KAZN: variants seen among roughly 807,000 people sequenced by gnomAD.
The protein encoded by KAZN is kazrin, periplakin interacting protein.
KAZN carries 40 observed loss-of-function variants against 87.4 expected under a neutral mutation model. The ratio of observed to expected loss-of-function variants is 0.46; its 90% CI spans 0.36 to 0.60. The LOEUF (loss-of-function observed/expected upper bound fraction) is 0.60. Ranked by LOEUF, KAZN falls within the 20% of genes least tolerant of loss-of-function variation. The pLI is 0.00. For synonymous variants in KAZN, 466 were observed against 458.3 expected, an observed-to-expected ratio of 1.02 and a Z score of -0.22; for missense variants, 898 against 1,073.9, an observed-to-expected ratio of 0.84 and a Z score of 2.29.
chr1:14,102,360 A>T (rs1455438799), intron 1 of KAZN, among the ~76,000 whole-genome samples: 1 of 152,080 alleles, frequency 6.6e-6, no homozygotes, highest in Non-Finnish European at 1.5e-5. Flanking sequence ...ACCTGCCCTC[A>T]CGCCCTTTGG....
At chr1:14,520,973 C>T (rs1671556540) in intron 2 of KAZN, among the ~76,000 whole-genome samples, 1 of 152,044 alleles carries the variant, frequency 6.6e-6, no homozygotes, top group Non-Finnish European at 1.5e-5. Flanking sequence ...CATGAGAGGC[C>T]AGAGCAGGGA....
chr1:14,508,218 C>T (rs976970041), intron 2 of KAZN, among the ~76,000 whole-genome samples: 4 of 152,144 alleles, frequency 2.6e-5, no homozygotes, highest in Non-Finnish European at 5.9e-5. Flanking sequence ...TCGTGCAAAG[C>T]CATCAGGCTG....
intron 2 of KAZN, among the ~76,000 whole-genome samples, chr1:14,340,346 T>C (rs1657589103): frequency 1.3e-5 from 2 of 152,238 alleles, no homozygotes; most frequent in South Asian, 2.1e-4. Context: ...GTTTTACTGC[T>C]CTCCAGATCT....
At chr1:14,267,359 C>CAAAAAAAAAAAAAA (rs61641430) in intron 2 of KAZN, among the ~76,000 whole-genome samples, 5 of 64,738 alleles carry the variant, frequency 7.7e-5, no homozygotes, top group African/African-American at 2.2e-4. Context: ...AGCCGATAAG[C>CAAAAAAAAAAAAAA]AAAAAAAAAA....
upstream of KAZN, among the ~76,000 whole-genome samples, chr1:14,596,296 G>A (rs942107575): frequency 3.7e-4 from 45 of 120,734 alleles, no homozygotes; most frequent in African/African-American, 1.5e-3. Flanking sequence ...GTGAGTGCAC[G>A]CACACGTGTG....
chr1:14,671,234 C>T (rs1639898037), intron 1 of KAZN, among the ~76,000 whole-genome samples: 1 of 152,204 alleles, frequency 6.6e-6, no homozygotes, highest in Non-Finnish European at 1.5e-5. Context: ...ATTTAACTTA[C>T]ATGTCTTACT....
At chr1:13,895,091 T>A (rs1638984915) in intron 1 of KAZN, among the ~76,000 whole-genome samples, 1 of 152,224 alleles carries the variant, frequency 6.6e-6, no homozygotes, top group Non-Finnish European at 1.5e-5. Flanking sequence ...TGTGAAAACA[T>A]CCTTCTATGG....
At chr1:14,387,979 A>C (rs535821295) in intron 2 of KAZN, among the ~76,000 whole-genome samples, 3 of 152,318 alleles carry the variant, frequency 2.0e-5, no homozygotes, top group Non-Finnish European at 2.9e-5. Flanking sequence ...CCGTGGGCGT[A>C]GGACCCTCCG....
chr1:13,965,015 C>T (rs180955607), intron 1 of KAZN, among the ~76,000 whole-genome samples: 16 of 152,088 alleles, frequency 1.1e-4, no homozygotes, highest in East Asian at 5.8e-4. Flanking sequence ...GGGGCAGGGA[C>T]GCACCTGGGG....
At chr1:14,214,074 T>C (rs183780289) in intron 2 of KAZN, among the ~76,000 whole-genome samples, 1 of 152,194 alleles carries the variant, frequency 6.6e-6, no homozygotes, top group East Asian at 1.9e-4. Context: ...AGAAGAGACA[T>C]TGGAATAGGA....
intron 1 of KAZN, among the ~76,000 whole-genome samples, chr1:14,135,577 G>GT (rs1463481289): frequency 1.3e-5 from 2 of 152,174 alleles, no homozygotes; most frequent in Non-Finnish European, 2.9e-5. Context: ...AACGGCAAAG[G>GT]TTTTTTCTTC....
intron 2 of KAZN, among the ~76,000 whole-genome samples, chr1:14,527,310 G>A (rs937442900): frequency 1.3e-5 from 2 of 152,182 alleles, no homozygotes; most frequent in Non-Finnish European, 1.5e-5. Flanking sequence ...CAGCACTTTG[G>A]GAGGCTGAGG....
chr1:14,946,826 T>C (rs1661859568), intron 1 of KAZN, among the ~76,000 whole-genome samples: 1 of 152,238 alleles, frequency 6.6e-6, no homozygotes, highest in African/African-American at 2.4e-5. Context: ...CTCCAGCTCA[T>C]GGTATAGCCA....
chr1:14,334,905 A>C (rs537332900), intron 2 of KAZN, among the ~76,000 whole-genome samples: 3 of 150,066 alleles, frequency 2.0e-5, no homozygotes, highest in Admixed American at 1.3e-4. Flanking sequence ...CCACAAACTC[A>C]GAGAGAAATA....
intron 1 of KAZN, among the ~76,000 whole-genome samples, chr1:14,743,307 G>A (rs1197939974): frequency 1.3e-5 from 2 of 151,950 alleles, no homozygotes; most frequent in East Asian, 1.9e-4. Flanking sequence ...ACACGTGCCT[G>A]TAATCCCAGC....
intron 2 of KAZN, among the ~76,000 whole-genome samples, chr1:14,340,731 T>C (rs1209957259): frequency 1.3e-5 from 2 of 152,222 alleles, no homozygotes; most frequent in African/African-American, 2.4e-5. Flanking sequence ...TTGCCTTCAT[T>C]TGCCATTTAT....
At chr1:14,825,937 C>T (rs1646873261) in intron 1 of KAZN, among the ~76,000 whole-genome samples, 1 of 152,176 alleles carries the variant, frequency 6.6e-6, no homozygotes, top group African/African-American at 2.4e-5. Context: ...AACCCAAGGC[C>T]AGCACGTAGC....
chr1:14,052,502 G>A (rs1019370712), intron 1 of KAZN, among the ~76,000 whole-genome samples: 1 of 151,336 alleles, frequency 6.6e-6, no homozygotes, highest in Non-Finnish European at 1.5e-5. Flanking sequence ...ATGCTGAAAA[G>A]TTATTTGATT....
At chr1:15,022,061 C>A (rs1467821291) in intron 2 of KAZN, among the ~76,000 whole-genome samples, 2 of 152,158 alleles carry the variant, frequency 1.3e-5, no homozygotes, top group Non-Finnish European at 2.9e-5. Context: ...TCTACCATGT[C>A]TCTCCCATAA....
Sources: allele counts gnomAD v4.1 joint callset (sites outside exome capture counted in the v4.1 genomes callset), GRCh38; gene constraint gnomAD v4.1.1; transcripts MANE v1.5; gene names NCBI Gene and HGNC (gene_info 2026-07-23, HGNC 2026-07-21).